The following CNTNAP2 variants were observed in gnomAD, a reference collection of about 807,000 sequenced individuals.
CNTNAP2 encodes the protein contactin-associated protein-like 2.
CNTNAP2 carries 98 observed loss-of-function variants against 155.2 expected under a neutral mutation model. The ratio of observed to expected loss-of-function variants is 0.63; its 90% CI spans 0.54 to 0.75. The LOEUF (loss-of-function observed/expected upper bound fraction) is 0.75. CNTNAP2 is among the 30% of genes least tolerant of loss of function. The pLI, the probability that CNTNAP2 is intolerant of heterozygous loss-of-function variation, is 0.00. For missense variants in CNTNAP2, 1,727 were observed against 1,688.1 expected (o/e 1.02, Z -0.40); for synonymous variants, 651 against 631.2 (o/e 1.03, Z -0.47).
At chr7:146,698,093 C>T (rs933013847) in intron 1 of CNTNAP2, among the ~76,000 whole-genome samples, 8 of 152,168 alleles carry the variant, frequency 5.3e-5, no homozygotes, top group African/African-American at 1.9e-4. Context: ...TTCCCAATTC[C>T]CCCTATGTCA....
At chr7:146,341,539 A>C (rs148031784) in intron 1 of CNTNAP2, among the ~76,000 whole-genome samples, 1 of 152,148 alleles carries the variant, frequency 6.6e-6, no homozygotes, top group Admixed American at 6.6e-5. Flanking sequence ...GTGCAGTAGT[A>C]CTATCGTGCT....
intron 1 of CNTNAP2, among the ~76,000 whole-genome samples, chr7:146,191,901 G>A (rs774933816): frequency 3.9e-5 from 6 of 152,014 alleles, no homozygotes; most frequent in African/African-American, 9.7e-5. Context: ...TGCAGTTAAC[G>A]CAATCATCAC....
At chr7:147,569,307 G>A (rs757504477) in intron 12 of CNTNAP2, among the ~76,000 whole-genome samples, 4 of 152,132 alleles carry the variant, frequency 2.6e-5, no homozygotes, top group Non-Finnish European at 5.9e-5. Flanking sequence ...ATGGGTCACT[G>A]AGGTGGTGGA....
chr7:146,634,958 C>T (rs1402914633), intron 1 of CNTNAP2, among the ~76,000 whole-genome samples: 1 of 151,994 alleles, frequency 6.6e-6, no homozygotes, highest in Non-Finnish European at 1.5e-5. Context: ...TGATAAACAG[C>T]TTTGGATTAC....
chr7:146,250,095 A>G (rs1287759170), intron 1 of CNTNAP2, among the ~76,000 whole-genome samples: 1 of 152,166 alleles, frequency 6.6e-6, no homozygotes, highest in African/African-American at 2.4e-5. Context: ...GAAACAAATT[A>G]CCCCAAAGTT....
intron 21 of CNTNAP2, among the ~76,000 whole-genome samples, chr7:148,320,135 C>T (rs567521869): frequency 4.5e-4 from 69 of 152,266 alleles, no homozygotes; most frequent in African/African-American, 1.6e-3. Context: ...TGGCTGCATT[C>T]GAGTTGCTGA....
chr7:147,478,266 C>T (rs1798356732), intron 10 of CNTNAP2, among the ~76,000 whole-genome samples: 1 of 151,902 alleles, frequency 6.6e-6, no homozygotes, highest in Non-Finnish European at 1.5e-5. Context: ...GATTCTCCTG[C>T]CTCACCCTCC....
intron 18 of CNTNAP2, among the ~76,000 whole-genome samples, chr7:148,208,158 C>T (rs1214952251): frequency 6.6e-6 from 1 of 151,472 alleles, no homozygotes; most frequent in African/African-American, 2.4e-5. Flanking sequence ...AGAGGCATGA[C>T]AGAGCTGTGC....
chr7:148,352,304 A>G (rs963043131), intron 21 of CNTNAP2, among the ~76,000 whole-genome samples: 5 of 152,228 alleles, frequency 3.3e-5, no homozygotes, highest in Non-Finnish European at 4.4e-5. Context: ...CTGTGATCTT[A>G]AGGAGCAAGG....
intron 1 of CNTNAP2, among the ~76,000 whole-genome samples, chr7:146,236,290 T>G (rs1165528466): frequency 1.3e-5 from 2 of 152,214 alleles, no homozygotes; most frequent in Non-Finnish European, 2.9e-5. Context: ...TATGAGTTGA[T>G]GCACTGAATG....
chr7:146,168,875 C>G (rs1194433993), intron 1 of CNTNAP2, among the ~76,000 whole-genome samples: 1 of 152,166 alleles, frequency 6.6e-6, no homozygotes, highest in Non-Finnish European at 1.5e-5. Flanking sequence ...CCATTTCACT[C>G]AGGATACAAA....
At chr7:146,168,239 A>C (rs907071736) in intron 1 of CNTNAP2, among the ~76,000 whole-genome samples, 3 of 152,132 alleles carry the variant, frequency 2.0e-5, no homozygotes, top group African/African-American at 7.2e-5. Flanking sequence ...AATCATGTTG[A>C]CACTCAATAT....
At chr7:146,928,957 C>A (rs1390142850) in intron 3 of CNTNAP2, among the ~76,000 whole-genome samples, 2 of 152,228 alleles carry the variant, frequency 1.3e-5, no homozygotes, top group African/African-American at 4.8e-5. Flanking sequence ...GTGGAGCCCA[C>A]CACAGCTCAA....
At chr7:147,344,280 A>C (rs17412444) in intron 9 of CNTNAP2, among the ~76,000 whole-genome samples, 34,729 of 152,154 alleles carry the variant, frequency 0.23, 4,359 homozygotes, top group Non-Finnish European at 0.28. Flanking sequence ...TTTTAGCAAA[A>C]GACTCTAAAT....
At chr7:146,246,678 A>T (rs802516) in intron 1 of CNTNAP2, among the ~76,000 whole-genome samples, 17,608 of 149,182 alleles carry the variant, frequency 0.12, 1,843 homozygotes, top group African/African-American at 0.29. Context: ...TCTGGGAAGG[A>T]GTCAGAGAGC....
intron 8 of CNTNAP2, among the ~76,000 whole-genome samples, chr7:147,212,697 C>T (rs1164520151): frequency 2.0e-5 from 3 of 151,952 alleles, no homozygotes; most frequent in Non-Finnish European, 2.9e-5. Flanking sequence ...ACAAATATAC[C>T]CATACAACAC....
chr7:146,340,174 A>G (rs1801355034), intron 1 of CNTNAP2, among the ~76,000 whole-genome samples: 2 of 149,338 alleles, frequency 1.3e-5, no homozygotes, highest in South Asian at 4.2e-4. Flanking sequence ...GCCTCAAAAA[A>G]AAAAAAAAAA....
intron 3 of CNTNAP2, among the ~76,000 whole-genome samples, chr7:147,028,959 CTTTTTTTT>C (rs397889433): frequency 1.9e-5 from 2 of 103,744 alleles, no homozygotes; most frequent in South Asian, 3.4e-4. Context: ...AAGATATGTT[CTTTTTTTT>C]TTTTTTTTTT....
chr7:146,745,899 C>A (rs536295267), intron 1 of CNTNAP2, among the ~76,000 whole-genome samples: 29 of 152,208 alleles, frequency 1.9e-4, no homozygotes, highest in African/African-American at 7.0e-4. Context: ...AGAAAGGGTG[C>A]ATGTATCTTG....
Sources: allele counts gnomAD v4.1 joint callset (sites outside exome capture counted in the v4.1 genomes callset), GRCh38; gene constraint gnomAD v4.1.1; transcripts MANE v1.5; gene names NCBI Gene and HGNC (gene_info 2026-07-23, HGNC 2026-07-21).